The following MCCC1 variants were observed in gnomAD, a reference collection of about 807,000 sequenced individuals.
MCCC1 encodes methylcrotonyl-CoA carboxylase subunit 1.
Under a neutral mutation model 83.8 loss-of-function variants are expected in MCCC1, and 64 were observed. The observed-to-expected ratio is 0.76, with a 90% CI of 0.62 to 0.94. The LOEUF (loss-of-function observed/expected upper bound fraction) is 0.94. Among genes scored for constraint, MCCC1 ranks in the 40% least tolerant of loss-of-function variants. The pLI is 0.00. For missense variants in MCCC1, 807 were observed against 904.7 expected (o/e 0.89, Z 1.39); for synonymous variants, 322 against 315.4 (o/e 1.02, Z -0.22).
chr3:183,077,537 T>C (rs796653352), intron 4 of MCCC1, among the ~76,000 whole-genome samples: 13 of 152,342 alleles, frequency 8.5e-5, no homozygotes, highest in African/African-American at 3.1e-4. Flanking sequence ...TATAACTTCT[T>C]TGGTGAAGGA....
At chr3:183,096,496 G>A (rs1434407711) in intron 1 of MCCC1, among the ~76,000 whole-genome samples, 6 of 152,098 alleles carry the variant, frequency 3.9e-5, no homozygotes, top group African/African-American at 7.2e-5. Context: ...AAAGCACAGC[G>A]TGTGCATTAG....
At chr3:183,077,431 TA>T (rs2108537090) in intron 4 of MCCC1, among the ~76,000 whole-genome samples, 1 of 152,340 alleles carries the variant, frequency 6.6e-6, no homozygotes, top group African/African-American at 2.4e-5. Flanking sequence ...TATAGCATCC[TA>T]GTGAGTATGA....
At chr3:183,105,502 A>G (rs1719388491) in intron 1 of MCCC1, among the ~76,000 whole-genome samples, 1 of 152,244 alleles carries the variant, frequency 6.6e-6, no homozygotes, top group Non-Finnish European at 1.5e-5. Flanking sequence ...TAAAAATAGG[A>G]GAAAGAAAAT....
At chr3:183,016,908 A>T (rs1711687138) in intron 18 of MCCC1, among the ~76,000 whole-genome samples, 1 of 152,226 alleles carries the variant, frequency 6.6e-6, no homozygotes, top group Non-Finnish European at 1.5e-5. Context: ...GATAATACCA[A>T]CAGTTAACAT....
At chr3:183,070,801 T>C (rs999382145) in intron 7 of MCCC1, among the ~76,000 whole-genome samples, 198 bp downstream of exon 7, 7 of 152,130 alleles carry the variant, frequency 4.6e-5, no homozygotes, top group African/African-American at 1.4e-4. Flanking sequence ...TATATGTATA[T>C]AGGTTTCTAT....
chr3:183,033,408 T>G (rs1241971314), intron 14 of MCCC1, among the ~76,000 whole-genome samples: 2 of 152,204 alleles, frequency 1.3e-5, no homozygotes, highest in African/African-American at 4.8e-5. Context: ...TGCCTTACCA[T>G]CCATGCTTTC....
intron 11 of MCCC1, among the ~76,000 whole-genome samples, chr3:183,040,556 CAAA>C (rs59767617): frequency 3.6e-5 from 4 of 112,580 alleles, no homozygotes; most frequent in East Asian, 5.2e-4. Context: ...ACTAAAAATA[CAAA>C]AAAAAAAAAA....
chr3:183,024,406 A>G (rs916811858), intron 15 of MCCC1, among the ~76,000 whole-genome samples: 2 of 152,192 alleles, frequency 1.3e-5, no homozygotes, highest in Non-Finnish European at 2.9e-5. Context: ...ATTAGGTTTT[A>G]CAATTTTTTC....
chr3:183,062,278 A>G (rs1715893770), intron 7 of MCCC1, among the ~76,000 whole-genome samples: 2 of 151,770 alleles, frequency 1.3e-5, no homozygotes, highest in Non-Finnish European at 2.9e-5. Context: ...CAGGGATTCC[A>G]GGTTATGAAG....
At position 183,094,598 on chromosome 3, in the gene MCCC1, C is replaced by G; in HGVS notation, c.97G>C (p.Val33Leu). The change falls in exon 2 of 19, where the codon GTG becomes CTG. Residue 33 changes from valine (V) to leucine (L), a missense_variant. By Grantham distance (32) the Val-to-Leu change is conservative. Coordinates refer to ENST00000265594, the MANE Select transcript of MCCC1 (RefSeq NM_020166.5). ...TACTTCATGGTTCTTTGCCTCCACACCCATGTCCTATAACATAAATCCAAA... is the reference window on the plus strand; with the variant it reads ...TACTTCATGGTTCTTTGCCTCCACAGCCATGTCCTATAACATAAATCCAAA... ...PSLLLPPRTW[V>L]WRQRTMKYTT... 1 of 1,613,866 alleles carries G rather than the reference C, an allele frequency of 6.2e-7. No individual in the cohort carries two copies. The highest frequency in any genetic ancestry group is 8.5e-7 in the Non-Finnish European group (1 of 1,179,752).
chr3:183,025,939 T>C, intron 14 of MCCC1, 135 bp from the exon 15 acceptor site: 1 of 733,076 alleles, frequency 1.4e-6, no homozygotes, highest in Non-Finnish European at 2.3e-6. Context: ...TTGAACTTCT[T>C]GGAAATAAAG....
At chr3:183,081,244 T>C (rs1159034204) in intron 4 of MCCC1, among the ~76,000 whole-genome samples, 2 of 152,236 alleles carry the variant, frequency 1.3e-5, no homozygotes, top group Non-Finnish European at 2.9e-5. Flanking sequence ...CTAATTCCCT[T>C]GCTTCAGGCA....
At chr3:183,106,402 G>A (rs1719403870) in intron 1 of MCCC1, among the ~76,000 whole-genome samples, 1 of 152,000 alleles carries the variant, frequency 6.6e-6, no homozygotes, top group South Asian at 2.1e-4. Flanking sequence ...AAAATGTTTT[G>A]TTTTGCTATA....
chr3:183,052,121 T>G, intron 9 of MCCC1, 38 bp downstream of exon 9: 1 of 1,582,918 alleles, frequency 6.3e-7, no homozygotes, highest in Non-Finnish European at 8.7e-7. Context: ...AATTAAACAC[T>G]GTTACGTCTC....
intron 3 of MCCC1, 49 bp from the exon 4 acceptor site, chr3:183,086,837 C>CTCATA (rs1382994883): frequency 1.3e-6 from 2 of 1,511,954 alleles, no homozygotes; most frequent in East Asian, 4.5e-5. Flanking sequence ...CTAGTACATA[C>CTCATA]TCATACACTA....
chr3:183,086,910 T>A lies in MCCC1; in HGVS notation c.274-122A>T, dbSNP rs1717935394. The stretch of plus-strand genomic sequence containing the variant: ...AAAAATGCCACTCCCTCAAGAACAG[T>A]GCAAGAATTGAAAAACTGAAGTACC... On this transcript the variant is annotated intron_variant, in intron 3 of 18. Transcript: ENST00000265594. 1.1e-5 allele frequency: 9 copies of A among 853,076 alleles called. No individual in the cohort carries two copies. The South Asian group carries it at 1.2e-4, about 11-fold the overall frequency. The allele number at this position is 853,076 out of a possible 1,614,324, so 52.8% of individuals were successfully genotyped here.
intron 10 of MCCC1, among the ~76,000 whole-genome samples, chr3:183,043,768 C>T (rs1714306533): frequency 6.6e-6 from 1 of 152,220 alleles, no homozygotes; most frequent in African/African-American, 2.4e-5. Context: ...AAATAGATGT[C>T]TGCTGGTTTC....
In MCCC1 at chr3:183,099,453, C is replaced by G. The variant is rs1478648373; in HGVS notation, c.-13G>C. Reference sequence around the variant, plus strand: ...AGGCCGCCGCCATGTCCCTGGAGCCCGGCCACTCCGTGACTCCCCAGTACA... The same window carrying G: ...AGGCCGCCGCCATGTCCCTGGAGCCGGGCCACTCCGTGACTCCCCAGTACA... On this transcript the variant is annotated 5_prime_UTR_variant, in exon 1 of 19. Coordinates refer to ENST00000265594, the MANE Select transcript of MCCC1 (RefSeq NM_020166.5). 6.3e-7 allele frequency: 1 copy of G among 1,598,568 alleles called. No homozygotes were observed. The highest frequency in any genetic ancestry group is 8.5e-7 in the Non-Finnish European group (1 of 1,173,520).
intron 7 of MCCC1, among the ~76,000 whole-genome samples, chr3:183,061,919 T>C (rs1715861595): frequency 6.6e-6 from 1 of 152,188 alleles, no homozygotes; most frequent in Non-Finnish European, 1.5e-5. Flanking sequence ...CCATGTGTGG[T>C]GGGAGGGACC....
Sources: allele counts gnomAD v4.1 joint callset (sites outside exome capture counted in the v4.1 genomes callset), GRCh38; gene constraint gnomAD v4.1.1; transcripts MANE v1.5; gene names NCBI Gene and HGNC (gene_info 2026-07-23, HGNC 2026-07-21).